FBN2: variants seen among roughly 807,000 people sequenced by gnomAD.
FBN2 encodes fibrillin 2.
Under a neutral mutation model 355.6 loss-of-function variants are expected in FBN2, and 105 were observed. The observed-to-expected ratio is 0.30, with a 90% CI of 0.25 to 0.35. FBN2 has a LOEUF of 0.35. Among genes scored for constraint, FBN2 ranks in the 10% least tolerant of loss-of-function variants. The pLI is 1.00. For synonymous variants in FBN2, 1,350 were observed against 1,301.2 expected (o/e 1.04, Z -0.81); for missense variants, 3,280 against 3,758.7 (o/e 0.87, Z 3.33).
rs1765281404 is a variant in FBN2 at position 128,272,097 on chromosome 5, T to C, written c.7862A>G (p.Asn2621Ser). ...CTGGCAGCCGTGTTGGCACCTGTGG[T>C]TCCCATCACATTCATCAACATCTGC... ...NCEDVDECDGNHRCQHGCQNI... is the reference protein window; with the variant it reads ...NCEDVDECDGSHRCQHGCQNI... The change falls in exon 62 of 65, where the codon AAC becomes AGC. Residue 2621 changes from asparagine (N) to serine (S), a missense_variant. Physicochemically the swap from Asn to Ser is conservative, Grantham distance 46. This residue lies in a region of FBN2 where 2,284 missense variants were observed against 2,749.5 expected (regional missense o/e 0.83). Transcript: ENST00000262464. 4 of 1,613,858 alleles carry C rather than the reference T, an allele frequency of 2.5e-6. No homozygotes were observed. The highest frequency in any genetic ancestry group is 3.4e-6 in the Non-Finnish European group (4 of 1,179,940).
At chr5:128,406,034 T>C (rs550781586) in intron 8 of FBN2, among the ~76,000 whole-genome samples, 1 of 152,322 alleles carries the variant, frequency 6.6e-6, no homozygotes, top group South Asian at 2.1e-4. Flanking sequence ...CATATGCACG[T>C]GTGCATAAAC....
At chr5:128,340,344 T>C (rs1321314922) in intron 25 of FBN2, among the ~76,000 whole-genome samples, 1 of 152,200 alleles carries the variant, frequency 6.6e-6, no homozygotes, top group Non-Finnish European at 1.5e-5. Flanking sequence ...TTACTTAGTT[T>C]TTCTGTATTT....
In FBN2 at chr5:128,350,853, C is replaced by CA; in HGVS notation, c.2812+14dup. 8 of 1,614,042 alleles carry CA rather than the reference C, an allele frequency of 5.0e-6. No individual in the cohort carries two copies. The highest frequency in any genetic ancestry group is 6.8e-6 in the Non-Finnish European group (8 of 1,180,012). ...TTCCAAGGAGAAGCCCAGAAGCTCC[C>CA]AATAAGGCTCCTACCTAGTTCACAC... On this transcript the variant is annotated intron_variant, in intron 21 of 64. Transcript: ENST00000262464.
At chr5:128,500,466 A>G in intron 5 of FBN2, among the ~76,000 whole-genome samples, 1 of 89,544 alleles carries the variant, frequency 1.1e-5, no homozygotes, top group African/African-American at 5.3e-5. Context: ...TTTTTCAGAC[A>G]GGGTCTCGCT....
intron 20 of FBN2, among the ~76,000 whole-genome samples, chr5:128,351,905 A>G (rs1047147451): frequency 1.3e-5 from 2 of 151,914 alleles, no homozygotes; most frequent in African/African-American, 4.8e-5. Flanking sequence ...TAACAACATG[A>G]TAAGACCATC....
intron 62 of FBN2, among the ~76,000 whole-genome samples, chr5:128,271,409 C>T (rs1386500521): frequency 1.3e-5 from 2 of 152,188 alleles, no homozygotes; most frequent in African/African-American, 4.8e-5. Flanking sequence ...TCAATCACTC[C>T]TTAAAAGGAG....
chr5:128,490,783 C>G (rs1352709552), intron 5 of FBN2, among the ~76,000 whole-genome samples: 1 of 152,170 alleles, frequency 6.6e-6, no homozygotes, highest in Non-Finnish European at 1.5e-5. Context: ...ATAAATTCAT[C>G]TCTTTTTTGT....
In FBN2 at chr5:128,290,022, A is replaced by G. The variant is rs1248582757; in HGVS notation, c.6446-75T>C. ...AAGAACTTAAGAAAGGATGAACAAT[A>G]TACATGAAATTACACTTAATTATGT... On this transcript the variant is annotated intron_variant, in intron 50 of 64. Coordinates refer to ENST00000262464, the MANE Select transcript of FBN2 (RefSeq NM_001999.4). 7.3e-6 allele frequency: 6 copies of G among 822,626 alleles called. No individual in the cohort carries two copies. The Admixed American group carries it at 1.1e-4, about 15-fold the overall frequency. 51.0% of individuals were successfully genotyped at this position (822,626 alleles called of 1,614,324 possible). A position where few individuals can be genotyped will look rare whatever the true frequency, so the allele number is the denominator to read the frequency against.
At chr5:128,339,236 A>G (rs1319061861) in intron 25 of FBN2, 175 bp from the exon 26 acceptor site, 5 of 609,416 alleles carry the variant, frequency 8.2e-6, no homozygotes, top group East Asian at 5.9e-5. Flanking sequence ...CCTTTCCCCA[A>G]CTGCCAAAAC....
At chr5:128,384,583 T>C (rs1752318379) in intron 11 of FBN2, among the ~76,000 whole-genome samples, 1 of 152,094 alleles carries the variant, frequency 6.6e-6, no homozygotes, top group Non-Finnish European at 1.5e-5. Flanking sequence ...ACCTATGATA[T>C]AAGGTGTTGT....
chr5:128,499,493 G>A (rs1490819716), intron 5 of FBN2, among the ~76,000 whole-genome samples: 2 of 152,052 alleles, frequency 1.3e-5, no homozygotes, highest in East Asian at 1.9e-4. Flanking sequence ...AATTGATAGG[G>A]GATGAAGCCT....
rs139620380 is a variant in FBN2, at chr5:128,345,512, C to G, written c.3062G>C (p.Arg1021Pro). The change falls in exon 24 of 65, where the codon CGC (arginine) becomes CCC (proline). Residue 1021 changes from arginine to proline, a missense_variant. Arg to Pro is a moderately radical substitution (Grantham distance 103). Coordinates refer to ENST00000262464, the MANE Select transcript of FBN2 (RefSeq NM_001999.4). ...GACAGCACAGCAGCAGGCATCCATG[C>G]GGAACTTTCCAGGAACGGGGTGGAT... ...ECIHPVPGKF[R>P]MDACCCAVGA... The G allele has an allele frequency of 3.7e-6, 6 of 1,614,074 alleles. No individual in the cohort carries two copies. The highest frequency in any genetic ancestry group is 5.1e-6 in the Non-Finnish European group (6 of 1,180,038).
chr5:128,278,635 C>T lies in FBN2; in HGVS notation c.7345G>A (p.Asp2449Asn), dbSNP rs759198660. Residue 2449 changes from aspartate to asparagine, a missense_variant and splice_region_variant, in exon 57 of 65, where the codon GAT (aspartate) becomes AAT (asparagine). Asp to Asn is a conservative substitution (Grantham distance 23). Transcript: ENST00000262464. ...HGPGYTTDGR[D>N]IDECKVMPNL... is the part of the protein sequence containing the mutation. ...TGAATAAATTTCCTCAACTCCTTAC[C>T]TCTTCCATCAGTTGTATATCCTGGG... 22 of 1,613,176 alleles carry T rather than the reference C, an allele frequency of 1.4e-5. No individual in the cohort carries two copies. The highest frequency in any genetic ancestry group is 1.9e-5 in the Non-Finnish European group (22 of 1,179,322).
At chr5:128,264,588 T>C (rs959295822) in intron 62 of FBN2, among the ~76,000 whole-genome samples, 2 of 152,252 alleles carry the variant, frequency 1.3e-5, no homozygotes, top group African/African-American at 4.8e-5. Flanking sequence ...GTCTGGTTGA[T>C]ATACAGCATG....
In FBN2 at chr5:128,392,139, T is replaced by A. The variant is rs753988160; in HGVS notation, c.1482A>T (p.Thr494=). ...TAGCATGATGCTTACAGATATCTAT[T>A]GTCTGGTTCAGAATTGCTACGGAAA... The part of the protein sequence containing the change: ...IITGLTILNQ[T]IDICKHHANL... Residue 494 remains threonine, a synonymous_variant, in exon 11 of 65, where the codon ACA becomes ACT. Transcript: ENST00000262464. 4.3e-6 allele frequency: 7 copies of A among 1,613,648 alleles called. 1 individual carries two copies. The South Asian group carries it at 7.7e-5, about 18-fold the overall frequency.
At chr5:128,504,449 G>A (rs1391918168) in intron 5 of FBN2, among the ~76,000 whole-genome samples, 2 of 152,208 alleles carry the variant, frequency 1.3e-5, no homozygotes, top group East Asian at 1.9e-4. Flanking sequence ...AACCTGCAAA[G>A]CTACAGGGGC....
At chr5:128,344,549 T>C (rs1751118097) in intron 24 of FBN2, 39 bp from the exon 25 acceptor site, 2 of 1,605,034 alleles carry the variant, frequency 1.2e-6, no homozygotes, top group South Asian at 1.1e-5. Flanking sequence ...AGCCGGTTGA[T>C]ATAAACGATT....
chr5:128,351,041 C>T (rs1460777165), intron 20 of FBN2, 36 bp from the exon 21 acceptor site: 2 of 1,613,586 alleles, frequency 1.2e-6, no homozygotes, highest in South Asian at 2.2e-5. Flanking sequence ...GAGCTCTTAC[C>T]TCTGAAGAAA....
chr5:128,292,086 G>A (rs1749339786), intron 48 of FBN2, among the ~76,000 whole-genome samples: 1 of 152,062 alleles, frequency 6.6e-6, no homozygotes, highest in Admixed American at 6.6e-5. Flanking sequence ...GAATGTGGCA[G>A]CCATTTCTAC....
Sources: gnomAD v4.1 joint callset for allele counts (sites outside exome capture counted in the v4.1 genomes callset) on GRCh38, gnomAD v4.1.1 for gene constraint, gnomAD v4.1.1 regional missense constraint, MANE v1.5 for transcripts, NCBI Gene and HGNC (gene_info 2026-07-23, HGNC 2026-07-21) for gene names.